Variants in TSHZ2 observed in about 807,000 individuals in gnomAD.
TSHZ2 encodes teashirt homolog 2.
TSHZ2 carries 21 observed loss-of-function variants against 74.4 expected under a neutral mutation model. The observed-to-expected ratio is 0.28, with a 90% CI of 0.20 to 0.41. TSHZ2 has a LOEUF of 0.41. TSHZ2 is among the 10% of genes least tolerant of loss of function. The pLI is 1.00. For missense variants in TSHZ2, 1,244 were observed against 1,293.5 expected, an observed-to-expected ratio of 0.96 and a Z score of 0.59; for synonymous variants, 540 against 515.3, an observed-to-expected ratio of 1.05 and a Z score of -0.65.
intron 1 of TSHZ2, among the ~76,000 whole-genome samples, chr20:53,169,150 C>T (rs189513675): frequency 7.2e-5 from 11 of 152,330 alleles, no homozygotes; most frequent in Non-Finnish European, 4.4e-5. Context: ...CTAGGACTCA[C>T]TGGTCTCAGA....
At chr20:53,187,284 T>C (rs1419624034) in intron 1 of TSHZ2, among the ~76,000 whole-genome samples, 1 of 152,190 alleles carries the variant, frequency 6.6e-6, no homozygotes, top group Non-Finnish European at 1.5e-5. Context: ...ACGTTCAAGA[T>C]GGTTCTTACT....
At chr20:53,268,713 GACTGGAACAA>G (rs1040360354) in intron 2 of TSHZ2, among the ~76,000 whole-genome samples, 4 of 152,220 alleles carry the variant, frequency 2.6e-5, no homozygotes, top group Non-Finnish European at 4.4e-5. Flanking sequence ...CTCACCTGTT[GACTGGAACAA>G]ACAATAGTCC....
chr20:53,128,484 G>A (rs1276883682), intron 1 of TSHZ2, among the ~76,000 whole-genome samples: 2 of 152,060 alleles, frequency 1.3e-5, no homozygotes, highest in Non-Finnish European at 2.9e-5. Context: ...TAAAACATTG[G>A]TAGTATGATG....
intron 2 of TSHZ2, among the ~76,000 whole-genome samples, chr20:53,409,937 C>T (rs1039295049): frequency 3.1e-5 from 4 of 127,150 alleles, no homozygotes; most frequent in Non-Finnish European, 6.2e-5. Context: ...AACTCTGCCT[C>T]TTGGGTTCAA....
chr20:53,176,922 T>G (rs956012544), intron 1 of TSHZ2, among the ~76,000 whole-genome samples: 2 of 152,192 alleles, frequency 1.3e-5, no homozygotes, highest in African/African-American at 4.8e-5. Flanking sequence ...CTTGACCTTG[T>G]GATCCACCCG....
At chr20:53,008,033 T>C (rs1018779061) in intron 1 of TSHZ2, among the ~76,000 whole-genome samples, 4 of 152,084 alleles carry the variant, frequency 2.6e-5, no homozygotes, top group African/African-American at 9.7e-5. Flanking sequence ...AGAAACCAAT[T>C]CCACTGAATT....
chr20:53,031,549 C>T (rs183589748), intron 1 of TSHZ2, among the ~76,000 whole-genome samples: 130 of 152,252 alleles, frequency 8.5e-4, no homozygotes, highest in Admixed American at 3.1e-3. Context: ...CTGACTCCTG[C>T]GTGCTTGGTG....
intron 2 of TSHZ2, among the ~76,000 whole-genome samples, chr20:53,332,992 T>A (rs1979787748): frequency 6.6e-6 from 1 of 152,202 alleles, no homozygotes; most frequent in Non-Finnish European, 1.5e-5. Context: ...CTGGTGTGTG[T>A]GATTCTCTCT....
intron 2 of TSHZ2, among the ~76,000 whole-genome samples, chr20:53,349,834 AAAC>A (rs1980580442): frequency 6.6e-6 from 1 of 152,228 alleles, no homozygotes; most frequent in Non-Finnish European, 1.5e-5. Context: ...GCTTAAAAGA[AAAC>A]AAATTCATTA....
chr20:53,408,130 T>C (rs1982914461), intron 2 of TSHZ2, among the ~76,000 whole-genome samples: 1 of 152,172 alleles, frequency 6.6e-6, no homozygotes, highest in Non-Finnish European at 1.5e-5. Context: ...GGTGTCCGGC[T>C]GTGTCTGGAC....
intron 1 of TSHZ2, among the ~76,000 whole-genome samples, chr20:53,192,812 T>C (rs1988770439): frequency 6.6e-6 from 1 of 152,348 alleles, no homozygotes; most frequent in African/African-American, 2.4e-5. Context: ...ATTTTCATCA[T>C]TGGGCAATTT....
At chr20:53,413,704 C>A (rs1268751052) in intron 2 of TSHZ2, among the ~76,000 whole-genome samples, 2 of 152,164 alleles carry the variant, frequency 1.3e-5, no homozygotes, top group Non-Finnish European at 2.9e-5. Context: ...GTTTTCTATG[C>A]CAGGAGACCC....
chr20:52,989,324 A>C (rs192544007), intron 1 of TSHZ2, among the ~76,000 whole-genome samples: 57 of 152,298 alleles, frequency 3.7e-4, no homozygotes, highest in Non-Finnish European at 1.0e-4. Context: ...ATTTGAGGTT[A>C]ATCTAATAAG....
intron 2 of TSHZ2, among the ~76,000 whole-genome samples, chr20:53,371,033 G>A (rs145352451): frequency 2.6e-4 from 39 of 152,250 alleles, no homozygotes; most frequent in South Asian, 8.3e-4. Flanking sequence ...CGGCCGCATC[G>A]CTCCAGCTTC....
chr20:53,103,433 G>A (rs544967528), intron 1 of TSHZ2, among the ~76,000 whole-genome samples: 8 of 152,264 alleles, frequency 5.3e-5, no homozygotes, highest in Admixed American at 1.3e-4. Context: ...ACATATGTGT[G>A]CATTGATTGC....
intron 2 of TSHZ2, among the ~76,000 whole-genome samples, chr20:53,450,242 C>A (rs867533753): frequency 3.3e-5 from 5 of 152,288 alleles, no homozygotes; most frequent in Middle Eastern, 3.4e-3. Context: ...CCCATCTCCC[C>A]CTCTTTAAAA....
intron 1 of TSHZ2, among the ~76,000 whole-genome samples, chr20:53,087,150 C>T (rs945326240): frequency 6.6e-6 from 1 of 152,152 alleles, no homozygotes; most frequent in African/African-American, 2.4e-5. Flanking sequence ...CTTTCTTGAG[C>T]AACAGCCTGT....
intron 1 of TSHZ2, among the ~76,000 whole-genome samples, chr20:53,064,129 G>A (rs1312024844): frequency 6.6e-6 from 1 of 152,088 alleles, no homozygotes; most frequent in African/African-American, 2.4e-5. Context: ...TAGTCAACAG[G>A]TATTTATGAC....
intron 1 of TSHZ2, among the ~76,000 whole-genome samples, chr20:52,977,434 AC>A (rs1463865089): frequency 1.0e-5 from 1 of 96,804 alleles, no homozygotes. Flanking sequence ...ACACACACAC[AC>A]ACACACACAC....
Sources: gnomAD v4.1 joint callset for allele counts (sites outside exome capture counted in the v4.1 genomes callset) on GRCh38, gnomAD v4.1.1 for gene constraint, MANE v1.5 for transcripts, NCBI Gene and HGNC (gene_info 2026-07-23, HGNC 2026-07-21) for gene names.